The following PTBP3 variants were observed in gnomAD, a reference collection of about 807,000 sequenced individuals.
PTBP3 encodes the protein polypyrimidine tract binding protein 3.
In PTBP3, 20 loss-of-function variants were observed where a neutral mutation model predicts 58.7. The ratio of observed to expected loss-of-function variants is 0.34; its 90% CI spans 0.24 to 0.50. The LOEUF (loss-of-function observed/expected upper bound fraction) is 0.50, where lower values mean the gene tolerates loss of function less well. Among genes scored for constraint, PTBP3 ranks in the 20% least tolerant of loss-of-function variants. The pLI, the probability that PTBP3 is intolerant of heterozygous loss-of-function variation, is 0.98. For missense variants in PTBP3, 509 were observed against 637.2 expected (o/e 0.80, Z 2.17); for synonymous variants, 185 against 219.8 (o/e 0.84, Z 1.40).
the PTBP3 span, among the ~76,000 whole-genome samples, chr9:112,342,147 A>C: frequency 6.6e-6 from 1 of 152,182 alleles, no homozygotes; most frequent in Non-Finnish European, 1.5e-5. Flanking sequence ...CTGCCCTTAG[A>C]CATAAGAACT....
the PTBP3 span, among the ~76,000 whole-genome samples, chr9:112,361,991 C>T: frequency 2.0e-5 from 3 of 152,262 alleles, no homozygotes; most frequent in East Asian, 5.8e-4. Flanking sequence ...CTAAGTAATG[C>T]TATTGAGCAT....
At chr9:112,232,064 G>C in intron 9 of PTBP3, 35 bp downstream of exon 9, 1 of 1,486,842 alleles carries the variant, frequency 6.7e-7, no homozygotes, top group Non-Finnish European at 9.1e-7. Flanking sequence ...ACCTTCTCCT[G>C]AAAGACTATT....
rs1182629414 is a variant in PTBP3 at position 112,220,353 on chromosome 9, G to A, written c.*3498C>T. On this transcript the variant is annotated 3_prime_UTR_variant, in exon 14 of 14. Coordinates refer to ENST00000374257, the MANE Select transcript of PTBP3 (RefSeq NM_001163788.4). ...AGGTGGAAGCAGGAGAATCACTTGA[G>A]CCCAGGAGTTGGCGAGACCCCTAAA... 2 of 1,274,686 alleles carry A rather than the reference G, an allele frequency of 1.6e-6. No individual in the cohort carries two copies. The highest frequency in any genetic ancestry group is 2.0e-6 in the Non-Finnish European group (2 of 981,050). 79.0% of individuals were successfully genotyped at this position (1,274,686 alleles called of 1,614,324 possible).
rs7859107 is a variant in PTBP3, at chr9:112,220,518, T to G, written c.*3333A>C. The stretch of plus-strand genomic sequence containing the variant: ...ACTGTCATAAGGGAACAGGCAGGCA[T>G]AAATGATATCTCCAAAAACTGAGCT... On this transcript the variant is annotated 3_prime_UTR_variant, in exon 14 of 14. Coordinates refer to ENST00000374257, the MANE Select transcript of PTBP3 (RefSeq NM_001163788.4). The G allele has an allele frequency of 0.5, 509,742 of 1,026,876 alleles. 130,080 individuals carry two copies. Among genetic ancestry groups the G allele is most frequent in the African/African-American group, 0.81 (46,704 of 57,938 alleles). The allele number at this position is 1,026,876 out of a possible 1,614,324, so 63.6% of individuals were successfully genotyped here. A position where few individuals can be genotyped will look rare whatever the true frequency, so the allele number is the denominator to read the frequency against.
At chr9:112,249,801 G>A (rs560741272) in intron 7 of PTBP3, among the ~76,000 whole-genome samples, 1 of 144,832 alleles carries the variant, frequency 6.9e-6, no homozygotes, top group African/African-American at 2.7e-5. Flanking sequence ...CTGAGTTTTG[G>A]CAAACTTTAA....
intron 1 of PTBP3, 85 bp downstream of exon 1, chr9:112,333,385 C>G (rs1230567082): frequency 2.0e-6 from 3 of 1,486,536 alleles, no homozygotes; most frequent in East Asian, 2.7e-5. Context: ...CGCACTGCTC[C>G]CCAGCCCTTA....
At chr9:112,334,789 A>G (rs1159057161), upstream of PTBP3, among the ~76,000 whole-genome samples, 1 of 152,230 alleles carries the variant, frequency 6.6e-6, no homozygotes, top group Non-Finnish European at 1.5e-5. Flanking sequence ...CACTGCATGA[A>G]TACACAAGAA....
At chr9:112,360,288 G>A in the PTBP3 span, among the ~76,000 whole-genome samples, 2 of 152,008 alleles carry the variant, frequency 1.3e-5, no homozygotes, top group Non-Finnish European at 2.9e-5. Context: ...GGCTCAAGCA[G>A]TGCTCCCACC....
the PTBP3 span, among the ~76,000 whole-genome samples, chr9:112,378,480 T>C: frequency 1.3e-5 from 2 of 152,192 alleles, no homozygotes; most frequent in Non-Finnish European, 2.9e-5. Flanking sequence ...ACTGAAGATA[T>C]TGTGGCTTTC....
At chr9:112,236,406 C>T (rs1432956329) in intron 7 of PTBP3, among the ~76,000 whole-genome samples, 1 of 152,100 alleles carries the variant, frequency 6.6e-6, no homozygotes, top group African/African-American at 2.4e-5. Context: ...CTTTGCTAAA[C>T]TTACACACAA....
intron 2 of PTBP3, among the ~76,000 whole-genome samples, chr9:112,280,025 A>G (rs1205687103): frequency 6.6e-6 from 1 of 152,092 alleles, no homozygotes; most frequent in Non-Finnish European, 1.5e-5. Context: ...ATTTCTACAT[A>G]CACAGTTTTC....
chr9:112,333,913 G>T (rs1434014676), upstream of PTBP3, among the ~76,000 whole-genome samples: 1 of 149,114 alleles, frequency 6.7e-6, no homozygotes, highest in African/African-American at 2.5e-5. Context: ...CGCGCCTTGT[G>T]CTTCCCGCTC....
At chr9:112,332,863 C>G (rs886846912) in intron 1 of PTBP3, 27 of 1,609,378 alleles carry the variant, frequency 1.7e-5, no homozygotes, top group Non-Finnish European at 2.2e-5. Context: ...GTCCAGACCC[C>G]TGGTGTCGAG....
At chr9:112,247,283 TAAATAAA>T (rs1280817933) in intron 7 of PTBP3, among the ~76,000 whole-genome samples, 1 of 144,416 alleles carries the variant, frequency 6.9e-6, no homozygotes, top group Non-Finnish European at 1.5e-5. Flanking sequence ...AATAAATAAA[TAAATAAA>T]TAAATAAATA....
At chr9:112,258,379 A>C (rs778628267) in intron 5 of PTBP3, among the ~76,000 whole-genome samples, 1 of 152,184 alleles carries the variant, frequency 6.6e-6, no homozygotes, top group Admixed American at 6.5e-5. Flanking sequence ...GGCTTTAATT[A>C]CCACACCTAC....
intron 1 of PTBP3, chr9:112,333,137 G>A: frequency 8.0e-7 from 1 of 1,248,412 alleles, no homozygotes; most frequent in Non-Finnish European, 1.0e-6. Context: ...AGGCCGAGCT[G>A]GGCTCCCCGG....
At chr9:112,280,154 A>G (rs1182462840) in intron 2 of PTBP3, among the ~76,000 whole-genome samples, 1 of 152,014 alleles carries the variant, frequency 6.6e-6, no homozygotes, top group Non-Finnish European at 1.5e-5. Context: ...GCCTCCCAGG[A>G]TCAAGAAATT....
intron 2 of PTBP3, among the ~76,000 whole-genome samples, chr9:112,290,658 T>G (rs1177107543): frequency 8.0e-6 from 1 of 125,226 alleles, no homozygotes; most frequent in Non-Finnish European, 1.6e-5. Flanking sequence ...GGTGACAAAG[T>G]CAGACTCTGT....
intron 3 of PTBP3, among the ~76,000 whole-genome samples, chr9:112,270,930 C>G (rs1160252574): frequency 6.6e-6 from 1 of 152,066 alleles, no homozygotes. Context: ...CAATCCGCGG[C>G]TCACTGCAAC....
Sources: allele counts gnomAD v4.1 joint callset (sites outside exome capture counted in the v4.1 genomes callset), GRCh38; gene constraint gnomAD v4.1.1; transcripts MANE v1.5; gene names NCBI Gene and HGNC (gene_info 2026-07-23, HGNC 2026-07-21).